HDAC6: variants seen among roughly 807,000 people sequenced by gnomAD.
The protein encoded by HDAC6 is protein deacetylase HDAC6.
A neutral mutation model predicts 88.9 loss-of-function variants in HDAC6; 5 were observed. The observed-to-expected ratio is 0.06, with a 90% CI of 0.03 to 0.12. The LOEUF (loss-of-function observed/expected upper bound fraction) is 0.12. Ranked by LOEUF, HDAC6 falls within the 10% of genes least tolerant of loss-of-function variation. The pLI is 1.00. For missense variants in HDAC6, 706 were observed against 1,014.4 expected (o/e 0.70, Z 4.13); for synonymous variants, 378 against 398.0 (o/e 0.95, Z 0.60).
chrX:48,814,286 A>T, intron 10 of HDAC6, 154 bp from the exon 11 acceptor site: 2 of 530,845 alleles, frequency 3.8e-6, no homozygotes, highest in South Asian at 6.3e-5. Context: ...GGATTCATGG[A>T]TTAAATAATT....
At position 48,808,146 on chromosome X, in the gene HDAC6, C is replaced by A. The variant is rs368394917; in HGVS notation, c.737+9C>A. 6.3e-4 allele frequency: 743 copies of A among 1,182,971 alleles called. 1 individual carries two copies. The highest frequency in any genetic ancestry group is 8.3e-4 in the Non-Finnish European group (721 of 873,592). On this transcript the variant is annotated intron_variant, in intron 9 of 28. Transcript: ENST00000334136. ...AAACACCGCATCCGGAGGTCAGCAA[C>A]AGAGGGCAGATGTGATGGGGGTGGC...
rs1602262928 is a variant in HDAC6, at chrX:48,816,498, G to A, written c.1656G>A (p.Glu552=). 1 of 1,208,316 alleles carries A rather than the reference G, an allele frequency of 8.3e-7. No homozygotes were observed. The highest frequency in any genetic ancestry group is 1.8e-5 in the South Asian group (1 of 56,270). ...ACGTGGGTCATCTCCGGGCCACAGA[G>A]AAAATGAAAACCCGGGAGCTGCACC... ...AEYVGHLRAT[E]KMKTRELHRE... is the part of the protein sequence containing the mutation. Residue 552 remains glutamate, a synonymous_variant, in exon 19 of 29, where the codon GAG becomes GAA. Coordinates refer to ENST00000334136, the MANE Select transcript of HDAC6 (RefSeq NM_006044.4).
chrX:48,818,633 T>C (rs1336914442), intron 22 of HDAC6, among the ~76,000 whole-genome samples: 1 of 112,402 alleles, frequency 8.9e-6, no homozygotes, highest in African/African-American at 3.2e-5. Flanking sequence ...TGTGACACTG[T>C]GTGAGTGACT....
rs2062988393 is a variant in HDAC6, at chrX:48,816,537, C to G, written c.1695C>G (p.Asn565Lys). Reference sequence around the variant, plus strand: ...GGGAGCTGCACCGTGAGAGTTCCAACTTTGACTCCATCTATATCTGCCCCA... The same window carrying G: ...GGGAGCTGCACCGTGAGAGTTCCAAGTTTGACTCCATCTATATCTGCCCCA... The part of the protein sequence containing the change: ...KTRELHRESS[N>K]FDSIYICPST... Residue 565 changes from asparagine to lysine, a missense_variant, in exon 19 of 29, where the codon AAC becomes AAG. Transcript: ENST00000334136. The G allele has an allele frequency of 1.7e-6, 2 of 1,208,730 alleles. No individual in the cohort carries two copies. The highest frequency in any genetic ancestry group is 2.2e-5 in the Admixed American group (1 of 45,734).
chrX:48,817,879 C>G, intron 20 of HDAC6, 162 bp from the exon 21 acceptor site: 1 of 498,958 alleles, frequency 2.0e-6, no homozygotes. Flanking sequence ...TCAGGCCTAC[C>G]GGGCAGCCCT....
chrX:48,814,253 T>A (rs2147358875), intron 10 of HDAC6, 187 bp from the exon 11 acceptor site: 1 of 451,796 alleles, frequency 2.2e-6, no homozygotes, highest in East Asian at 3.7e-5. Context: ...TGACTGAATG[T>A]AAGGGTAAAT....
chrX:48,824,464 C>T, intron 28 of HDAC6, 80 bp from the exon 29 acceptor site: 1 of 1,078,738 alleles, frequency 9.3e-7, no homozygotes, highest in Non-Finnish European at 1.3e-6. Flanking sequence ...TGGTTGAGGG[C>T]TGGAGTGGGG....
chrX:48,806,814 T>TA lies in HDAC6; in HGVS notation c.632+114dup, dbSNP rs2062826071. The TA allele has an allele frequency of 6.5e-6, 3 of 458,225 alleles. No individual in the cohort carries two copies. The African/African-American group carries it at 7.4e-5, about 11-fold the overall frequency. 37.8% of individuals were successfully genotyped at this position (458,225 alleles called of 1,213,427 possible). On this transcript the variant is annotated intron_variant, in intron 8 of 28. Coordinates refer to ENST00000334136, the MANE Select transcript of HDAC6 (RefSeq NM_006044.4). ...TTCATGTGATTCAAGAATCCAAAGG[T>TA]AAAAAAGAGAATATAATTAAAAATC...
At chrX:48,821,763 C>T (rs1198549851) in intron 23 of HDAC6, among the ~76,000 whole-genome samples, 5 of 111,765 alleles carry the variant, frequency 4.5e-5, no homozygotes. Flanking sequence ...CCGCCTCGGC[C>T]TCCCAAAGTG....
chrX:48,802,827 A>G (rs1557022842), intron 2 of HDAC6, 42 bp downstream of exon 2: 3 of 1,207,586 alleles, frequency 2.5e-6, no homozygotes, highest in Non-Finnish European at 3.4e-6. Flanking sequence ...AGAGGGAGCA[A>G]GTTGGTCATG....
At chrX:48,817,073 C>T (rs1291443610) in intron 19 of HDAC6, 7 of 282,018 alleles carry the variant, frequency 2.5e-5, no homozygotes, top group Non-Finnish European at 3.7e-5. Flanking sequence ...CATGGTGAAA[C>T]CCCGTCTCTA....
At chrX:48,801,713 C>T, upstream of HDAC6, 1 of 433,615 alleles carries the variant, frequency 2.3e-6, no homozygotes, top group Non-Finnish European at 3.4e-6. Flanking sequence ...TGGCGTAGCA[C>T]GCCGACGCAC....
chrX:48,809,150 C>G (rs1205331595), intron 10 of HDAC6, among the ~76,000 whole-genome samples: 2 of 111,650 alleles, frequency 1.8e-5, no homozygotes, highest in Non-Finnish European at 3.8e-5. Flanking sequence ...ATATGTAATT[C>G]TGCACTTCTC....
At chrX:48,817,270 G>A (rs2063004882) in intron 19 of HDAC6, 56 bp from the exon 20 acceptor site, 5 of 1,001,368 alleles carry the variant, frequency 5.0e-6, no homozygotes, top group Non-Finnish European at 5.2e-6. Flanking sequence ...AAAAAAAAAA[G>A]GAAGAAAGGA....
At chrX:48,815,135 C>A in intron 14 of HDAC6, 84 bp downstream of exon 14, 1 of 811,261 alleles carries the variant, frequency 1.2e-6, no homozygotes, top group Non-Finnish European at 1.8e-6. Flanking sequence ...GAGTTCCTGG[C>A]CCAGGAATTC....
In HDAC6 at chrX:48,805,458, G is replaced by A; in HGVS notation, c.332G>A (p.Arg111Gln). ...CCCAGCTTCCCGGAAGGCCCTGAGC[G>A]GCTCCATGCCATCAAGGAGCAACTG... ...WDDSFPEGPE[R>Q]LHAIKEQLIQ... The change falls in exon 5 of 29, where the codon CGG becomes CAG. Residue 111 changes from arginine (R) to glutamine (Q), a missense_variant. Transcript: ENST00000334136. 4 of 1,209,057 alleles carry A rather than the reference G, an allele frequency of 3.3e-6. No individual in the cohort carries two copies. The highest frequency in any genetic ancestry group is 3.4e-6 in the Non-Finnish European group (3 of 893,562).
rs202031097 is a variant in HDAC6, at chrX:48,802,901, C to T, written c.124C>T (p.Arg42Cys). The T allele has an allele frequency of 3.0e-5, 36 of 1,206,804 alleles. No homozygotes were observed. The highest frequency in any genetic ancestry group is 3.8e-5 in the Non-Finnish European group (34 of 893,498). ...AAATATTAAAAAGGGAGCCGTTCCC[C>T]GCTCTATCCCCAATCTAGCGGAGGT... ...KRNIKKGAVPRSIPNLAEVKK... is the reference protein window; with the variant it reads ...KRNIKKGAVPCSIPNLAEVKK... The change falls in exon 3 of 29, where the codon CGC (arginine) becomes TGC (cysteine). Residue 42 changes from arginine to cysteine, a missense_variant. Around this residue, in one of 9 missense-constraint regions of HDAC6, gnomAD observed 193 missense variants for 258.2 expected, o/e 0.75. Transcript: ENST00000334136.
Position 48,802,732 on chromosome X carries a change from C to G in HDAC6, c.40C>G (p.Arg14Gly). ...TGQDSTTTRQ[R>G]RSRQNPQSPP... ...CCAGGATTCCACCACAACCAGGCAG[C>G]GAAGAAGTAGGCAGAACCCCCAGTC... Residue 14 changes from arginine (R) to glycine (G), a missense_variant, in exon 2 of 29, where the codon CGA becomes GGA. Arg to Gly is a moderately radical substitution (Grantham distance 125). Around this residue, in one of 9 missense-constraint regions of HDAC6, gnomAD observed 193 missense variants for 258.2 expected, o/e 0.75. Coordinates refer to ENST00000334136, the MANE Select transcript of HDAC6 (RefSeq NM_006044.4). The G allele has an allele frequency of 2.5e-6, 3 of 1,208,932 alleles. No homozygotes were observed. The highest frequency in any genetic ancestry group is 3.4e-6 in the Non-Finnish European group (3 of 894,085).
rs782217493 is a variant in HDAC6, at chrX:48,824,877, A to C, written c.*265A>C. 9.0e-7 allele frequency: 1 copy of C among 1,115,007 alleles called. No individual in the cohort carries two copies. Among genetic ancestry groups the C allele is most frequent in the East Asian group, 3.6e-5 (1 of 27,506 alleles). The allele number at this position is 1,115,007 out of a possible 1,213,427, so 91.9% of individuals were successfully genotyped here. On this transcript the variant is annotated 3_prime_UTR_variant, in exon 29 of 29. Transcript: ENST00000334136. ...GAAAGGGGGGCAGCTCAGTGGCCCCAAGAGGGAGCTGATATCATGAGGATA... is the reference window on the plus strand; with the variant it reads ...GAAAGGGGGGCAGCTCAGTGGCCCCCAGAGGGAGCTGATATCATGAGGATA...
Sources: gnomAD v4.1 joint callset for allele counts (sites outside exome capture counted in the v4.1 genomes callset) on GRCh38, gnomAD v4.1.1 for gene constraint, gnomAD v4.1.1 regional missense constraint, MANE v1.5 for transcripts, NCBI Gene and HGNC (gene_info 2026-07-23, HGNC 2026-07-21) for gene names.